The following ADCYAP1R1 variants were observed in gnomAD, a reference collection of about 807,000 sequenced individuals.
The protein encoded by ADCYAP1R1 is ADCYAP receptor type I.
In ADCYAP1R1, 44 loss-of-function variants were observed where a neutral mutation model predicts 67.6. The ratio of observed to expected loss-of-function variants is 0.65; its 90% CI spans 0.51 to 0.84. The LOEUF is 0.84. Among genes scored for constraint, ADCYAP1R1 ranks in the 40% least tolerant of loss-of-function variants. ADCYAP1R1 has a pLI of 0.00. For synonymous variants in ADCYAP1R1, 222 were observed against 219.6 expected (o/e 1.01, Z -0.10); for missense variants, 477 against 587.9 (o/e 0.81, Z 1.95).
chr7:31,080,981 A>G (rs933659234), intron 5 of ADCYAP1R1, among the ~76,000 whole-genome samples: 1 of 152,216 alleles, frequency 6.6e-6, no homozygotes, highest in Admixed American at 6.5e-5. Context: ...GCATCAGTCC[A>G]TGCAGATATT....
chr7:31,059,788 G>A (rs891851520), intron 1 of ADCYAP1R1, among the ~76,000 whole-genome samples: 1 of 152,132 alleles, frequency 6.6e-6, no homozygotes, highest in Non-Finnish European at 1.5e-5. Context: ...AGTGCCTGGA[G>A]GGGCTGAAAG....
At chr7:31,098,716 G>T (rs1304829667) in intron 13 of ADCYAP1R1, among the ~76,000 whole-genome samples, 8 of 86,734 alleles carry the variant, frequency 9.2e-5, no homozygotes, top group Non-Finnish European at 1.9e-4. Flanking sequence ...GGGGGGGGGG[G>T]GGACCTGGGC....
At chr7:31,056,780 T>C (rs1794264734) in intron 1 of ADCYAP1R1, among the ~76,000 whole-genome samples, 1 of 152,208 alleles carries the variant, frequency 6.6e-6, no homozygotes, top group South Asian at 2.1e-4. Context: ...GAACTCTTCA[T>C]TGCCCCACCC....
intron 15 of ADCYAP1R1, among the ~76,000 whole-genome samples, chr7:31,106,211 T>G (rs1164636628): frequency 6.6e-6 from 1 of 152,192 alleles, no homozygotes; most frequent in Non-Finnish European, 1.5e-5. Context: ...AAGGACCCAA[T>G]GGACTATTCT....
At chr7:31,101,581 G>A (rs767061941) in intron 13 of ADCYAP1R1, among the ~76,000 whole-genome samples, 3 of 152,146 alleles carry the variant, frequency 2.0e-5, no homozygotes, top group African/African-American at 2.4e-5. Flanking sequence ...CTGCATTCCC[G>A]ACTTTCATTC....
chr7:31,091,914 T>TA (rs1365674570), intron 12 of ADCYAP1R1, among the ~76,000 whole-genome samples: 1 of 151,972 alleles, frequency 6.6e-6, no homozygotes, highest in Non-Finnish European at 1.5e-5. Context: ...TTATATAAGT[T>TA]ACGTTTGTGG....
chr7:31,104,779 T>G, intron 14 of ADCYAP1R1, 89 bp from the exon 15 acceptor site: 1 of 1,448,028 alleles, frequency 6.9e-7, no homozygotes, highest in Non-Finnish European at 9.7e-7. Context: ...GGTGTATTTC[T>G]GCTTCCTAGA....
chr7:31,096,135 A>G (rs1259369943), intron 13 of ADCYAP1R1, among the ~76,000 whole-genome samples: 1 of 152,016 alleles, frequency 6.6e-6, no homozygotes, highest in Non-Finnish European at 1.5e-5. Flanking sequence ...TCCAGGGTAG[A>G]CATTAACTGT....
chr7:31,063,115 G>A lies in ADCYAP1R1; in HGVS notation c.-71-79G>A, dbSNP rs970975219. 3.8e-6 allele frequency: 3 copies of A among 799,472 alleles called. No individual in the cohort carries two copies. In the African/African-American group the frequency reaches 5.1e-5, roughly 14 times the overall value. The allele number at this position is 799,472 out of a possible 1,614,324, so 49.5% of individuals were successfully genotyped here. On this transcript the variant is annotated intron_variant, in intron 1 of 15. Coordinates refer to ENST00000304166, the MANE Select transcript of ADCYAP1R1 (RefSeq NM_001118.5). ...TGAGAGCCGTGCTGCAGGGAGCTGG[G>A]GGAATAAGGAAGGGAGGTGGTCTTG...
At chr7:31,094,309 G>A (rs1796096037) in intron 13 of ADCYAP1R1, among the ~76,000 whole-genome samples, 1 of 152,080 alleles carries the variant, frequency 6.6e-6, no homozygotes, top group Non-Finnish European at 1.5e-5. Context: ...CCTAGAGATA[G>A]CATTCCTGCC....
chr7:31,075,966 A>G (rs1363302713), intron 3 of ADCYAP1R1, among the ~76,000 whole-genome samples: 1 of 152,200 alleles, frequency 6.6e-6, no homozygotes, highest in East Asian at 1.9e-4. Context: ...CCAGGTTTCC[A>G]GCTGGGGCTG....
chr7:31,063,342 G>C, intron 2 of ADCYAP1R1, 27 bp downstream of exon 2: 1 of 1,613,876 alleles, frequency 6.2e-7, no homozygotes. Context: ...ATCTCTCTGG[G>C]AGCCCCAGGC....
chr7:31,087,420 G>C (rs1795793746), intron 11 of ADCYAP1R1, among the ~76,000 whole-genome samples: 1 of 152,228 alleles, frequency 6.6e-6, no homozygotes, highest in Non-Finnish European at 1.5e-5. Flanking sequence ...CAGAGGGAAA[G>C]ATAGAGGCTC....
At chr7:31,075,649 A>G (rs1165048555) in intron 3 of ADCYAP1R1, among the ~76,000 whole-genome samples, 1 of 152,164 alleles carries the variant, frequency 6.6e-6, no homozygotes, top group African/African-American at 2.4e-5. Flanking sequence ...CTGGAAGGAA[A>G]AGTGAGTGGC....
At position 31,089,579 on chromosome 7, in the gene ADCYAP1R1, A is replaced by C. The variant is rs115161986; in HGVS notation, c.954+1883A>C. ...AGTGCCGCAATGAATATATTTGTGC[A>C]TATCTTGAGCATACGTGAATACGTC... On this transcript the variant is annotated intron_variant, in intron 12 of 15. Transcript: ENST00000304166. Among the ~76,000 whole-genome samples, 1,334 of 152,294 alleles carry C rather than the reference A, an allele frequency of 8.8e-3. 21 individuals are homozygous for C. Among genetic ancestry groups the C allele is most frequent in the African/African-American group, 0.03 (1,244 of 41,566 alleles).
In ADCYAP1R1 at chr7:31,078,031, C is replaced by T. The variant is rs7804302; in HGVS notation, c.198C>T (p.Pro66=). The T allele has an allele frequency of 1.7e-3, 2,802 of 1,613,092 alleles. 46 individuals are homozygous for T. The South Asian group carries it at 0.024, about 14-fold the overall frequency. The change falls in exon 4 of 16, where the codon CCC becomes CCT. Residue 66 remains proline (P), a synonymous_variant. Coordinates refer to ENST00000304166, the MANE Select transcript of ADCYAP1R1 (RefSeq NM_001118.5). ...GMWDNITCWK[P]AHVGEMVLVS... is the part of the protein sequence containing the mutation. ...GGGACAACATCACGTGTTGGAAGCC[C>T]GCCCATGTGGGTGAGATGGTCCTGG...
intron 8 of ADCYAP1R1, 143 bp from the exon 9 acceptor site, chr7:31,085,167 G>A (rs1584516226): frequency 1.7e-6 from 2 of 1,152,702 alleles, no homozygotes. Flanking sequence ...TGAGGATTTA[G>A]AGAGGTGGCA....
rs1028421598 is a variant in ADCYAP1R1, at chr7:31,109,964, C to T, written c.*3280C>T. On this transcript the variant is annotated 3_prime_UTR_variant, in exon 16 of 16. Coordinates refer to ENST00000304166, the MANE Select transcript of ADCYAP1R1 (RefSeq NM_001118.5). ...GTGGCCTACAGCGACTCTTCTCTAA[C>T]CCCACCCCCTCCAAGCTGGGTTCTT... 6.6e-6 allele frequency: 1 copy of T among 152,216 alleles called. No homozygotes were observed. The highest frequency in any genetic ancestry group is 1.5e-5 in the Non-Finnish European group (1 of 68,260). The allele number at this position is 152,216 out of a possible 1,614,324, so 9.4% of individuals were successfully genotyped here.
intron 13 of ADCYAP1R1, among the ~76,000 whole-genome samples, chr7:31,094,136 T>C (rs926468566): frequency 2.6e-5 from 4 of 152,206 alleles, no homozygotes; most frequent in African/African-American, 9.7e-5. Flanking sequence ...TTTTTTCCTA[T>C]CCATTTACTG....
Sources: allele counts gnomAD v4.1 joint callset (sites outside exome capture counted in the v4.1 genomes callset), GRCh38; gene constraint gnomAD v4.1.1; transcripts MANE v1.5; gene names NCBI Gene and HGNC (gene_info 2026-07-23, HGNC 2026-07-21).